The following TGS1 variants were observed in gnomAD, a reference collection of about 807,000 sequenced individuals.
TGS1 encodes trimethylguanosine synthase 1, also known as trimethylguanosine synthase.
TGS1 carries 69 observed loss-of-function variants against 92.2 expected under a neutral mutation model. The observed-to-expected ratio is 0.75, with a 90% CI of 0.62 to 0.91. The LOEUF is 0.91. Among genes scored for constraint, TGS1 ranks in the 40% least tolerant of loss-of-function variants. The probability of loss-of-function intolerance (pLI) is 0.00; values close to 1 mark genes in which losing one functional copy is unlikely to be tolerated. For missense variants in TGS1, 1,062 were observed against 1,001.2 expected (o/e 1.06, Z -0.82); for synonymous variants, 345 against 338.1 (o/e 1.02, Z -0.22).
rs749203929 is a variant in TGS1 at position 55,786,966 on chromosome 8, G to A, written c.1068G>A (p.Glu356=). 1 of 1,614,134 alleles carries A rather than the reference G, an allele frequency of 6.2e-7. No individual in the cohort carries two copies. The highest frequency in any genetic ancestry group is 1.1e-5 in the South Asian group (1 of 91,074). The stretch of plus-strand genomic sequence containing the variant: ...TAAGTGAAGTTAGTAGCAAAAGAGA[G>A]TGCCCTGCTTCCGGCCAAAGTGAAC... ...QQLSEVSSKR[E]CPASGQSEPR... is the part of the protein sequence containing the mutation. Residue 356 remains glutamate, a synonymous_variant, in exon 4 of 13, where the codon GAG becomes GAA. Coordinates refer to ENST00000260129, the MANE Select transcript of TGS1 (RefSeq NM_024831.8).
chr8:55,804,775 TTAAA>T, intron 9 of TGS1, 114 bp from the exon 10 acceptor site: 1 of 894,256 alleles, frequency 1.1e-6, no homozygotes, highest in East Asian at 2.7e-5. Flanking sequence ...TTATAATTTT[TTAAA>T]AAGGGAAACT....
Position 55,786,710 on chromosome 8 carries a change from ATACT to A in TGS1, c.816_819del (p.Tyr273HisfsTer15). On this transcript the variant is annotated frameshift_variant, in exon 4 of 13. Transcript: ENST00000260129. LOFTEE classifies it high-confidence loss of function. ...GATGCCTCGCAAAGCTGTGATACAG[ATACT>A]TACACATCTAAAACAGAAGCTGATG... The A allele has an allele frequency of 6.2e-7, 1 of 1,614,196 alleles. No homozygotes were observed. Among genetic ancestry groups the A allele is most frequent in the Non-Finnish European group, 8.5e-7 (1 of 1,180,032 alleles).
At chr8:55,824,045 G>A (rs1803726211) in intron 12 of TGS1, among the ~76,000 whole-genome samples, 1 of 152,118 alleles carries the variant, frequency 6.6e-6, no homozygotes, top group Non-Finnish European at 1.5e-5. Flanking sequence ...GAACCCGGGA[G>A]GCGGAGGTTG....
chr8:55,776,675 A>G (rs112885122), intron 1 of TGS1, among the ~76,000 whole-genome samples: 8 of 152,110 alleles, frequency 5.3e-5, no homozygotes, highest in African/African-American at 1.9e-4. Flanking sequence ...TATGGATTTC[A>G]TTTCTGCCTT....
rs1811705142 is a variant in TGS1 at position 55,786,264 on chromosome 8, TAAAATA to T, written c.371_376del (p.Ile124_Lys125del). The T allele has an allele frequency of 6.8e-7, 1 of 1,471,824 alleles. No individual in the cohort carries two copies. Among genetic ancestry groups the T allele is most frequent in the African/African-American group, 1.4e-5 (1 of 69,266 alleles). The allele number at this position is 1,471,824 out of a possible 1,614,324, so 91.2% of individuals were successfully genotyped here. On this transcript the variant is annotated inframe_deletion, in exon 4 of 13. Coordinates refer to ENST00000260129, the MANE Select transcript of TGS1 (RefSeq NM_024831.8). ...TATCTATGAATACTAGAAATAAAGT[TAAAATA>T]AAAAAGAAAAAACATCAAAAGAAAT...
chr8:55,817,590 G>C (rs1026125351), intron 12 of TGS1, among the ~76,000 whole-genome samples: 2 of 152,044 alleles, frequency 1.3e-5, no homozygotes, highest in South Asian at 2.1e-4. Context: ...AGAAGATTGG[G>C]TCCTAACTGG....
At chr8:55,817,654 A>T (rs933421084) in intron 12 of TGS1, among the ~76,000 whole-genome samples, 2 of 152,188 alleles carry the variant, frequency 1.3e-5, no homozygotes, top group African/African-American at 4.8e-5. Flanking sequence ...AATTAAGTTA[A>T]TATAGTGGAA....
chr8:55,798,867 GT>G (rs1226644133), intron 7 of TGS1, 46 bp from the exon 8 acceptor site: 1 of 1,431,738 alleles, frequency 7.0e-7, no homozygotes, highest in African/African-American at 1.4e-5. Context: ...AAGATTCTGT[GT>G]AGTTTGGAAT....
At chr8:55,780,964 A>G (rs1811543106) in intron 1 of TGS1, among the ~76,000 whole-genome samples, 1 of 152,128 alleles carries the variant, frequency 6.6e-6, no homozygotes, top group African/African-American at 2.4e-5. Flanking sequence ...CTGGCATAAG[A>G]TGACCCAGGT....
chr8:55,776,425 C>T (rs1030246959), intron 1 of TGS1, among the ~76,000 whole-genome samples: 16 of 151,966 alleles, frequency 1.1e-4, no homozygotes, highest in South Asian at 6.2e-4. Flanking sequence ...GGAATACAGG[C>T]GCCCGCCACA....
At chr8:55,806,667 G>C (rs1368599363) in intron 10 of TGS1, among the ~76,000 whole-genome samples, 1 of 152,026 alleles carries the variant, frequency 6.6e-6, no homozygotes, top group Non-Finnish European at 1.5e-5. Context: ...CCAACTATAT[G>C]TATTAATTTA....
chr8:55,799,298 A>G, intron 8 of TGS1, 78 bp downstream of exon 8: 5 of 1,352,636 alleles, frequency 3.7e-6, no homozygotes, highest in East Asian at 2.5e-5. Context: ...CTTAGTTTTC[A>G]CTTGTGAATC....
At chr8:55,806,200 AC>A (rs1812365884) in intron 10 of TGS1, among the ~76,000 whole-genome samples, 3 of 148,634 alleles carry the variant, frequency 2.0e-5, no homozygotes, top group Non-Finnish European at 4.5e-5. Flanking sequence ...TCCTAAAAAT[AC>A]AAAAATTAGC....
intron 12 of TGS1, among the ~76,000 whole-genome samples, chr8:55,819,658 A>G (rs1322961632): frequency 6.6e-6 from 1 of 152,040 alleles, no homozygotes; most frequent in Admixed American, 6.6e-5. Context: ...TGGCTTTAAG[A>G]TTTATTTACG....
chr8:55,810,319 A>G (rs776366142), intron 10 of TGS1, among the ~76,000 whole-genome samples: 1 of 152,226 alleles, frequency 6.6e-6, no homozygotes, highest in African/African-American at 2.4e-5. Context: ...TGAAAACATA[A>G]TATCTGTTTC....
intron 6 of TGS1, among the ~76,000 whole-genome samples, chr8:55,793,771 TTTA>T (rs1375966575): frequency 2.0e-5 from 3 of 149,684 alleles, no homozygotes; most frequent in Non-Finnish European, 3.0e-5. Context: ...TATTTATTTA[TTTA>T]TTTTTTAATT....
intron 8 of TGS1, among the ~76,000 whole-genome samples, chr8:55,799,921 T>C (rs1376986922): frequency 2.0e-5 from 3 of 152,114 alleles, no homozygotes; most frequent in African/African-American, 7.2e-5. Context: ...GTGTGGTTGA[T>C]GATGGTCATG....
chr8:55,783,594 A>G (rs929056157), intron 2 of TGS1, among the ~76,000 whole-genome samples: 2 of 152,284 alleles, frequency 1.3e-5, no homozygotes, highest in Middle Eastern at 3.4e-3. Flanking sequence ...TAACAAATAT[A>G]ATTTATACTG....
intron 11 of TGS1, 74 bp from the exon 12 acceptor site, chr8:55,812,966 G>GA: frequency 9.1e-7 from 1 of 1,102,606 alleles, no homozygotes; most frequent in Non-Finnish European, 1.4e-6. Context: ...TTTGAGTTAT[G>GA]ATAAGTAAAA....
Sources: allele counts gnomAD v4.1 joint callset (sites outside exome capture counted in the v4.1 genomes callset), GRCh38; gene constraint gnomAD v4.1.1; transcripts MANE v1.5; gene names NCBI Gene and HGNC (gene_info 2026-07-23, HGNC 2026-07-21).